CEP44: variants seen among roughly 807,000 people sequenced by gnomAD.
CEP44 encodes the protein centrosomal protein of 44 kDa.
A neutral mutation model predicts 46.7 loss-of-function variants in CEP44; 45 were observed. The observed-to-expected ratio is 0.96, with a 90% confidence interval of 0.76 to 1.24. The LOEUF (loss-of-function observed/expected upper bound fraction) is 1.24, where lower values mean the gene tolerates loss of function less well. Ranked by LOEUF, CEP44 falls within the 50% of genes most tolerant of loss-of-function variation. The pLI is 0.00. For missense variants in CEP44, 475 were observed against 459.7 expected (o/e 1.03, Z -0.30); for synonymous variants, 142 against 146.0 (o/e 0.97, Z 0.20).
chr4:174,325,110 C>T (rs907436352), downstream of CEP44, among the ~76,000 whole-genome samples: 11 of 152,020 alleles, frequency 7.2e-5, no homozygotes, highest in Non-Finnish European at 1.3e-4. This position sits in a 1 kb window ranked among gnomAD's most constrained non-coding sequence, Gnocchi z 4.4. Flanking sequence ...TTACATTTGT[C>T]CAAAATGTTG....
At chr4:174,328,370 A>G (rs918159536) in intron 8 of CEP44, among the ~76,000 whole-genome samples, 1 of 152,262 alleles carries the variant, frequency 6.6e-6, no homozygotes, top group Non-Finnish European at 1.5e-5. Context: ...AACTCAATAT[A>G]GATAAGGAAC....
rs961423192 is a variant in CEP44, at chr4:174,310,524, T to G, written c.886-259T>G. 2.7e-5 allele frequency among the ~76,000 whole-genome samples: 4 copies of G among 150,906 alleles called. No individual in the cohort carries two copies. Among genetic ancestry groups the G allele is most frequent in the East Asian group, 3.9e-4 (2 of 5,190 alleles). On this transcript the variant is annotated intron_variant, in intron 8 of 11. Transcript: ENST00000503780. This position sits in a 1 kb window ranked among gnomAD's most constrained non-coding sequence, Gnocchi z 4.2. The stretch of plus-strand genomic sequence containing the variant: ...TGCCTTATCAAATCTGAGAAATTTG[T>G]TTTTTTTTACTCAGGATTTCAATTT...
Position 174,309,959 on chromosome 4 carries a change from AAAAAATGAAAGG to A in CEP44, c.793_804del (p.Met265_Lys268del), listed in dbSNP as rs1740882588. On this transcript the variant is annotated inframe_deletion, in exon 8 of 12. Coordinates refer to ENST00000503780, the MANE Select transcript of CEP44 (RefSeq NM_001040157.3). This position sits in a 1 kb window ranked among gnomAD's most constrained non-coding sequence, Gnocchi z 5.3. The stretch of plus-strand genomic sequence containing the variant: ...GAGAAAAGGTTAGACTGTTTGGAAC[AAAAAATGAAAGG>A]AAAAGTGATGGTAGATGAAAACACC... The A allele has an allele frequency of 1.9e-6, 3 of 1,612,756 alleles. No homozygotes were observed.
chr4:174,318,082 G>C lies in CEP44; in HGVS notation c.*699G>C. The stretch of plus-strand genomic sequence containing the variant: ...TATTGTATAATTTTTTTGGAGGGGG[G>C]GATGGAGTTTCGCTGTTGTTGCCCA... On this transcript the variant is annotated 3_prime_UTR_variant, in exon 12 of 12. Transcript: ENST00000503780. 1 of 984,872 alleles carries C rather than the reference G, an allele frequency of 1.0e-6. No individual in the cohort carries two copies. The highest frequency in any genetic ancestry group is 1.2e-6 in the Non-Finnish European group (1 of 829,490). 61.0% of individuals were successfully genotyped at this position (984,872 alleles called of 1,614,324 possible).
In CEP44 at chr4:174,319,391, AC is replaced by A. The variant is rs1742086200; in HGVS notation, c.*2010del. 1.0e-6 allele frequency: 1 copy of A among 985,006 alleles called. No individual in the cohort carries two copies. The highest frequency in any genetic ancestry group is 1.7e-5 in the African/African-American group (1 of 57,242). The allele number at this position is 985,006 out of a possible 1,614,324, so 61.0% of individuals were successfully genotyped here. On this transcript the variant is annotated 3_prime_UTR_variant, in exon 12 of 12. Transcript: ENST00000503780. Reference sequence around the variant, plus strand: ...CTTGTGGTTAACATGCCAGTATTTTACCTTTTGTTAAAACAAGTGATTTCCC... The same window carrying A: ...CTTGTGGTTAACATGCCAGTATTTTACTTTTGTTAAAACAAGTGATTTCCC...
Position 174,320,092 on chromosome 4 carries a change from G to T in CEP44, c.*2709G>T, listed in dbSNP as rs1297342551. The stretch of plus-strand genomic sequence containing the variant: ...CAGTTGCTTGTGCTGCCCTGTCTAT[G>T]TTATGCTCTGAATAGGTCTCGGTAA... On this transcript the variant is annotated 3_prime_UTR_variant, in exon 12 of 12. Transcript: ENST00000503780. 91 of 985,088 alleles carry T rather than the reference G, an allele frequency of 9.2e-5. No homozygotes were observed. Among genetic ancestry groups the T allele is most frequent in the Non-Finnish European group, 1.1e-4 (89 of 829,874 alleles). The allele number at this position is 985,088 out of a possible 1,614,324, so 61.0% of individuals were successfully genotyped here.
At position 174,302,021 on chromosome 4, in the gene CEP44, T is replaced by A; in HGVS notation, c.90-18T>A. ...TATTAAATGCTTATTAAAAATATTT[T>A]TCTTTTTTTCCTAACAGTTTGATAA... is the stretch of plus-strand genomic sequence containing the variant. On this transcript the variant is annotated intron_variant, in intron 3 of 11. Transcript: ENST00000503780. 1 of 1,573,976 alleles carries A rather than the reference T, an allele frequency of 6.4e-7. No homozygotes were observed.
intron 9 of CEP44, 21 bp from the exon 10 acceptor site, chr4:174,316,145 T>C: frequency 6.2e-7 from 1 of 1,607,830 alleles, no homozygotes; most frequent in Non-Finnish European, 8.5e-7. Context: ...AAAGGTAATC[T>C]AAAACTTAAT....
chr4:174,315,832 C>T, intron 9 of CEP44, among the ~76,000 whole-genome samples: 1 of 122,360 alleles, frequency 8.2e-6, no homozygotes, highest in Non-Finnish European at 1.6e-5. Flanking sequence ...CAGAGCGAGA[C>T]TCCGTCTCAA....
At chr4:174,295,724 G>A (rs1412177293) in intron 1 of CEP44, among the ~76,000 whole-genome samples, 5 of 152,304 alleles carry the variant, frequency 3.3e-5, no homozygotes, top group South Asian at 2.1e-4. Flanking sequence ...ACCAGACTCC[G>A]TCTGCAATCC....
In CEP44 at chr4:174,299,161, G is replaced by A; in HGVS notation, c.40G>A (p.Glu14Lys). Residue 14 changes from glutamate (E) to lysine (K), a missense_variant, in exon 3 of 12, where the codon GAA becomes AAA. Coordinates refer to ENST00000503780, the MANE Select transcript of CEP44 (RefSeq NM_001040157.3). ...CTTAAAAAGAAGCTTACGGAACCTA[G>A]AACAGGTGCTCCGCTTGCTAAATTA... ...GDLKRSLRNL[E>K]QVLRLLNYPE... 10 of 1,613,804 alleles carry A rather than the reference G, an allele frequency of 6.2e-6. No homozygotes were observed. Among genetic ancestry groups the A allele is most frequent in the Non-Finnish European group, 8.5e-6 (10 of 1,179,772 alleles).
chr4:174,327,581 T>TTATAGCAA (rs1384162645), intron 8 of CEP44, among the ~76,000 whole-genome samples: 2 of 152,084 alleles, frequency 1.3e-5, no homozygotes, highest in Non-Finnish European at 2.9e-5. Flanking sequence ...ATTAAATTTT[T>TTATAGCAA]TATAGCAATT....
chr4:174,307,807 A>G (rs1040010018), intron 6 of CEP44, among the ~76,000 whole-genome samples: 5 of 152,232 alleles, frequency 3.3e-5, no homozygotes, highest in African/African-American at 1.2e-4. Flanking sequence ...GGATATGAAC[A>G]TCTACTTCTG....
Position 174,309,211 on chromosome 4 carries a change from A to G in CEP44, c.678+352A>G, listed in dbSNP as rs939450639. On this transcript the variant is annotated intron_variant, in intron 7 of 11. Transcript: ENST00000503780. This position sits in a 1 kb window ranked among gnomAD's most constrained non-coding sequence, Gnocchi z 5.3. ...TTATTGGTGAATGGAAAAGATTGGC[A>G]CTTTATTGCCTATTCATTTTCCTTT... Among the ~76,000 whole-genome samples the G allele has an allele frequency of 1.3e-5, 2 of 151,982 alleles. No individual in the cohort carries two copies. Among genetic ancestry groups the G allele is most frequent in the Non-Finnish European group, 2.9e-5 (2 of 67,934 alleles).
At chr4:174,305,002 C>T (rs1444683623) in intron 6 of CEP44, among the ~76,000 whole-genome samples, 1 of 152,150 alleles carries the variant, frequency 6.6e-6, no homozygotes, top group African/African-American at 2.4e-5. Context: ...TGTCTTCCAG[C>T]TGGAGAAGAC....
At chr4:174,332,621 A>C (rs1731374182) in exon 9 of CEP44, 1 of 152,200 alleles carries the variant, frequency 6.6e-6, no homozygotes, top group Non-Finnish European at 1.5e-5. Flanking sequence ...TTAAAGTGTC[A>C]GATATTTTAT....
chr4:174,298,064 T>A lies in CEP44; in HGVS notation c.-51+2T>A, dbSNP rs1281064869. ...ATTGGCTGGTCTGTGCTCTGCTAGG[T>A]TGGTTATCCCTTATTCATTTGCTTT... is the stretch of plus-strand genomic sequence containing the variant. On this transcript the variant is annotated splice_donor_variant, in intron 2 of 11. Transcript: ENST00000503780. LOFTEE classifies it low-confidence loss of function (5UTR_SPLICE). 6.6e-6 allele frequency: 1 copy of A among 152,256 alleles called. No individual in the cohort carries two copies. Among genetic ancestry groups the A allele is most frequent in the Non-Finnish European group, 1.5e-5 (1 of 68,094 alleles). The allele number at this position is 152,256 out of a possible 1,614,324, so 9.4% of individuals were successfully genotyped here.
chr4:174,291,615 G>A (rs1738205012), intron 1 of CEP44, among the ~76,000 whole-genome samples: 1 of 151,910 alleles, frequency 6.6e-6, no homozygotes, highest in Non-Finnish European at 1.5e-5. Flanking sequence ...TTTTAGCAGT[G>A]AGATGTATAC....
At chr4:174,292,109 A>G (rs977878972) in intron 1 of CEP44, among the ~76,000 whole-genome samples, 1 of 152,026 alleles carries the variant, frequency 6.6e-6, no homozygotes, top group African/African-American at 2.4e-5. Flanking sequence ...TCATTCCTGA[A>G]GACAGTTTTT....
Sources: gnomAD v4.1 joint callset for allele counts (sites outside exome capture counted in the v4.1 genomes callset) on GRCh38, gnomAD v4.1.1 for gene constraint, Gnocchi (gnomAD v3.1) non-coding constraint, MANE v1.5 for transcripts, NCBI Gene and HGNC (gene_info 2026-07-23, HGNC 2026-07-21) for gene names.